Variants in DPP10 observed in about 807,000 individuals in gnomAD.
DPP10 encodes the protein dipeptidyl peptidase like 10.
DPP10 carries 33 observed loss-of-function variants against 120.9 expected under a neutral mutation model. That is an observed-to-expected ratio of 0.27 (90% CI 0.21 to 0.37). The LOEUF is 0.37. Among genes scored for constraint, DPP10 ranks in the 10% least tolerant of loss-of-function variants. DPP10 has a pLI of 1.00. For synonymous variants in DPP10, 337 were observed against 326.1 expected (o/e 1.03, Z -0.36); for missense variants, 816 against 942.8 (o/e 0.87, Z 1.76).
At chr2:114,480,430 A>C (rs894507305) in intron 1 of DPP10, among the ~76,000 whole-genome samples, 9 of 152,132 alleles carry the variant, frequency 5.9e-5, no homozygotes, top group Non-Finnish European at 1.0e-4. Context: ...GGTAGTATTC[A>C]CAATAGCAAA....
chr2:114,801,262 C>CAAAAAAAAAAAA (rs1174819592), intron 1 of DPP10, among the ~76,000 whole-genome samples: 1 of 59,648 alleles, frequency 1.7e-5, no homozygotes. Flanking sequence ...GACTCTGTAT[C>CAAAAAAAAAAAA]AAAAAAAAAA....
At chr2:115,222,247 G>A (rs1328726420) in intron 1 of DPP10, among the ~76,000 whole-genome samples, 1 of 152,140 alleles carries the variant, frequency 6.6e-6, no homozygotes. Flanking sequence ...AACATAGCAA[G>A]TAGCATTGTG....
chr2:115,242,806 C>T (rs749300646), intron 1 of DPP10, among the ~76,000 whole-genome samples: 2 of 151,640 alleles, frequency 1.3e-5, no homozygotes, highest in Non-Finnish European at 2.9e-5. Context: ...AGCTTAGCTC[C>T]CACTTATAAC....
chr2:115,746,786 A>G (rs1678036922), intron 10 of DPP10, among the ~76,000 whole-genome samples: 1 of 152,182 alleles, frequency 6.6e-6, no homozygotes, highest in Admixed American at 6.5e-5. Context: ...TTTGAAATCC[A>G]TCATGGTTTC....
intron 5 of DPP10, among the ~76,000 whole-genome samples, chr2:115,670,031 T>G (rs1314960356): frequency 1.3e-5 from 2 of 152,082 alleles, no homozygotes; most frequent in Non-Finnish European, 2.9e-5. Flanking sequence ...AAGTCTGAGG[T>G]CAAGGTTCTG....
chr2:114,629,573 A>C (rs1000927436), intron 1 of DPP10, among the ~76,000 whole-genome samples: 3 of 152,240 alleles, frequency 2.0e-5, no homozygotes, highest in South Asian at 4.1e-4. Flanking sequence ...ATTTCAAACT[A>C]TAACAGCATA....
intron 1 of DPP10, among the ~76,000 whole-genome samples, chr2:114,510,410 C>G (rs1368389686): frequency 6.6e-6 from 1 of 152,076 alleles, no homozygotes; most frequent in African/African-American, 2.4e-5. Flanking sequence ...TTGAGCCCAG[C>G]CTGACCAACA....
chr2:115,390,249 A>G (rs761737067), intron 3 of DPP10, among the ~76,000 whole-genome samples: 29 of 152,248 alleles, frequency 1.9e-4, no homozygotes, highest in Non-Finnish European at 3.7e-4. Flanking sequence ...CTTGTTGACT[A>G]CACACAAACA....
chr2:115,738,190 A>T (rs541063046), intron 8 of DPP10, among the ~76,000 whole-genome samples: 1 of 152,252 alleles, frequency 6.6e-6, no homozygotes, highest in East Asian at 1.9e-4. Flanking sequence ...AGCCTCTAAT[A>T]TGTATTGCAG....
chr2:115,124,461 A>C (rs567767849), intron 1 of DPP10, among the ~76,000 whole-genome samples: 1 of 152,300 alleles, frequency 6.6e-6, no homozygotes, highest in Admixed American at 6.5e-5. Flanking sequence ...ATTTGGCCTA[A>C]TAAAGCCCCT....
At chr2:115,234,464 G>T (rs1409060206) in intron 1 of DPP10, 1 of 152,704 alleles carries the variant, frequency 6.5e-6, no homozygotes, top group Non-Finnish European at 1.5e-5. Flanking sequence ...TTGTACAAAG[G>T]ATTCTCAGGT....
intron 4 of DPP10, among the ~76,000 whole-genome samples, chr2:115,516,579 T>G (rs1575071276): frequency 1.3e-5 from 2 of 150,318 alleles, no homozygotes; most frequent in Admixed American, 6.6e-5. Context: ...TCTTTGTTTT[T>G]TTTTTTTTTT....
chr2:115,406,642 A>G (rs1374154443), intron 3 of DPP10, among the ~76,000 whole-genome samples: 1 of 152,186 alleles, frequency 6.6e-6, no homozygotes, highest in Non-Finnish European at 1.5e-5. Flanking sequence ...TAGAGAGGCT[A>G]TATTAAAATC....
chr2:115,695,748 G>A (rs2091550695), intron 7 of DPP10, among the ~76,000 whole-genome samples: 1 of 152,056 alleles, frequency 6.6e-6, no homozygotes, highest in Non-Finnish European at 1.5e-5. Flanking sequence ...AAATTGTCTG[G>A]TTTTCAACAA....
At chr2:114,748,086 TTTTTA>T (rs1678754104) in intron 1 of DPP10, among the ~76,000 whole-genome samples, 1 of 152,136 alleles carries the variant, frequency 6.6e-6, no homozygotes, top group Non-Finnish European at 1.5e-5. Flanking sequence ...TTATCTGTCA[TTTTTA>T]TTTTATTTTT....
chr2:114,929,710 C>T (rs905344060), intron 1 of DPP10, among the ~76,000 whole-genome samples: 12 of 152,214 alleles, frequency 7.9e-5, no homozygotes, highest in East Asian at 7.7e-4. Flanking sequence ...GTGCAGTTAA[C>T]GCAATCATCA....
chr2:114,995,134 C>A (rs1388380375), intron 1 of DPP10, among the ~76,000 whole-genome samples: 1 of 152,170 alleles, frequency 6.6e-6, no homozygotes, highest in African/African-American at 2.4e-5. Context: ...GCCAGGAGAA[C>A]CTGCCCAGAG....
chr2:114,726,220 A>AGCGAGACT (rs1324421956), intron 1 of DPP10, among the ~76,000 whole-genome samples: 3 of 149,782 alleles, frequency 2.0e-5, no homozygotes, highest in African/African-American at 7.4e-5. Context: ...TGGGAAACAG[A>AGCGAGACT]GCGAGACTAC....
chr2:115,536,754 T>G (rs1290466938), intron 5 of DPP10, among the ~76,000 whole-genome samples: 1 of 152,070 alleles, frequency 6.6e-6, no homozygotes, highest in Non-Finnish European at 1.5e-5. Flanking sequence ...TAGCAATTTC[T>G]GATTCCTTCT....
Sources: allele counts gnomAD v4.1 joint callset (sites outside exome capture counted in the v4.1 genomes callset), GRCh38; gene constraint gnomAD v4.1.1; transcripts MANE v1.5; gene names NCBI Gene and HGNC (gene_info 2026-07-23, HGNC 2026-07-21).